The following C12orf42 variants were observed in gnomAD, a reference collection of about 807,000 sequenced individuals.
The protein encoded by C12orf42 is chromosome 12 open reading frame 42.
Under a neutral mutation model 21.6 loss-of-function variants are expected in C12orf42, and 25 were observed. The ratio of observed to expected loss-of-function variants is 1.16; its 90% CI spans 0.84 to 1.62. C12orf42 has a LOEUF of 1.62. C12orf42 is among the 40% of genes most tolerant of loss of function. The pLI, the probability that C12orf42 is intolerant of heterozygous loss-of-function variation, is 0.00. For synonymous variants in C12orf42, 174 were observed against 175.0 expected (o/e 0.99, Z 0.05); for missense variants, 483 against 459.3 (o/e 1.05, Z -0.47).
At chr12:103,408,061 C>T (rs899091625) in intron 2 of C12orf42, among the ~76,000 whole-genome samples, 2 of 152,268 alleles carry the variant, frequency 1.3e-5, no homozygotes, top group Middle Eastern at 3.4e-3. Context: ...TTAGTCTAGC[C>T]ATTAAATGCA....
chr12:103,269,497 T>G (rs4764729), intron 6 of C12orf42, among the ~76,000 whole-genome samples: 14,350 of 152,236 alleles, frequency 0.094, 746 homozygotes, highest in East Asian at 0.15. Context: ...TCTATTTCAT[T>G]AATATCCCCT....
rs184796674 is a variant in C12orf42, at chr12:103,251,936, G to C, written c.*1366+11390C>G. ...AGACAGAAATTACTTGGGGGCAGGAGGTATATTGATAAACAATTTATTTTA... is the reference window on the plus strand; with the variant it reads ...AGACAGAAATTACTTGGGGGCAGGACGTATATTGATAAACAATTTATTTTA... On this transcript the variant is annotated intron_variant and NMD_transcript_variant, in intron 10 of 10. Coordinates refer to the C12orf42 transcript ENST00000547347. Among the ~76,000 whole-genome samples the C allele has an allele frequency of 2.0e-5, 3 of 152,248 alleles. No homozygotes were observed. The East Asian group carries it at 5.8e-4, about 29-fold the overall frequency.
chr12:103,143,678 G>C, the C12orf42 span, among the ~76,000 whole-genome samples: 1 of 152,234 alleles, frequency 6.6e-6, no homozygotes, highest in Non-Finnish European at 1.5e-5. Context: ...GTTCTAAGAA[G>C]TGTCTACAGA....
chr12:103,225,757 C>T, the C12orf42 span, among the ~76,000 whole-genome samples: 102 of 152,206 alleles, frequency 6.7e-4, no homozygotes, highest in Non-Finnish European at 9.7e-4. Context: ...AGAAGCCTGA[C>T]CATCAATACC....
At chr12:103,177,695 C>T in the C12orf42 span, among the ~76,000 whole-genome samples, 1 of 152,178 alleles carries the variant, frequency 6.6e-6, no homozygotes, top group South Asian at 2.1e-4. Flanking sequence ...AAATTCATCA[C>T]ATAATTTAAT....
At chr12:103,105,294 C>T in the C12orf42 span, among the ~76,000 whole-genome samples, 2 of 151,894 alleles carry the variant, frequency 1.3e-5, no homozygotes, top group African/African-American at 4.8e-5. Flanking sequence ...ATTATTATGT[C>T]CAAAGGAGAT....
At chr12:103,225,530 G>C in the C12orf42 span, among the ~76,000 whole-genome samples, 9 of 151,972 alleles carry the variant, frequency 5.9e-5, no homozygotes, top group African/African-American at 2.2e-4. Context: ...GGGTTAAGGT[G>C]GGGGGATACA....
chr12:103,506,293 C>G, the C12orf42 span: 6 of 125,882 alleles, frequency 4.8e-5, no homozygotes, highest in Non-Finnish European at 9.9e-5. Flanking sequence ...ACAACCCCCC[C>G]ACGCCATCCC....
At chr12:103,090,292 G>T in the C12orf42 span, among the ~76,000 whole-genome samples, 2 of 152,144 alleles carry the variant, frequency 1.3e-5, no homozygotes, top group African/African-American at 4.8e-5. Context: ...ATGGCACCTT[G>T]TGACATTGGA....
chr12:103,180,615 CTTTTTTTTTTTTTTTTT>C, the C12orf42 span, among the ~76,000 whole-genome samples: 6 of 61,992 alleles, frequency 9.7e-5, no homozygotes, highest in Admixed American at 1.0e-3. Context: ...AAATAATTTC[CTTTTTTTTTTTTTTTTT>C]TTTTTTTTTT....
intron 10 of C12orf42, among the ~76,000 whole-genome samples, chr12:103,262,621 T>C (rs2034953498): frequency 6.6e-6 from 1 of 152,178 alleles, no homozygotes. Context: ...AAAAGGAACA[T>C]TATCTTTAAA....
At chr12:103,425,390 G>T (rs565536499) in intron 2 of C12orf42, among the ~76,000 whole-genome samples, 1 of 152,312 alleles carries the variant, frequency 6.6e-6, no homozygotes, top group Admixed American at 6.5e-5. Flanking sequence ...CCTCCTGACT[G>T]TGAGATACCT....
intron 4 of C12orf42, among the ~76,000 whole-genome samples, chr12:103,352,668 G>T (rs988695692): frequency 1.3e-5 from 2 of 152,058 alleles, no homozygotes; most frequent in African/African-American, 4.8e-5. Context: ...AATTAAACAG[G>T]CTTAAACAAA....
At chr12:103,071,714 C>T in the C12orf42 span, among the ~76,000 whole-genome samples, 154 of 152,188 alleles carry the variant, frequency 1.0e-3, no homozygotes, top group African/African-American at 3.0e-3. Context: ...ATTCACCTTC[C>T]GCCATTACTG....
intron 10 of C12orf42, among the ~76,000 whole-genome samples, chr12:103,254,956 A>C (rs1204705068): frequency 6.6e-6 from 1 of 152,218 alleles, no homozygotes; most frequent in Non-Finnish European, 1.5e-5. Context: ...TAAATGTTTC[A>C]TGCATCCTTC....
At chr12:103,242,105 A>T (rs903085046) in intron 10 of C12orf42, among the ~76,000 whole-genome samples, 9 of 152,116 alleles carry the variant, frequency 5.9e-5, no homozygotes, top group Non-Finnish European at 1.2e-4. Flanking sequence ...TCATTGGCTC[A>T]TGGAGTCAAC....
At chr12:103,202,737 C>G in the C12orf42 span, among the ~76,000 whole-genome samples, 1 of 152,160 alleles carries the variant, frequency 6.6e-6, no homozygotes. Flanking sequence ...TTGTCTCAAG[C>G]TAAGTGACTT....
chr12:103,430,605 A>G (rs963773526), intron 2 of C12orf42, among the ~76,000 whole-genome samples: 2 of 152,210 alleles, frequency 1.3e-5, no homozygotes, highest in African/African-American at 4.8e-5. Flanking sequence ...CAGCAAACCC[A>G]TTACTGGGTA....
chr12:103,266,879 T>G (rs7314273), downstream of C12orf42, among the ~76,000 whole-genome samples: 2,972 of 152,200 alleles, frequency 0.02, 124 homozygotes, highest in African/African-American at 0.068. Flanking sequence ...TTCTAGGGTA[T>G]CTGGGGAAAA....
Sources: gnomAD v4.1 joint callset for allele counts (sites outside exome capture counted in the v4.1 genomes callset) on GRCh38, gnomAD v4.1.1 for gene constraint, MANE v1.5 for transcripts, NCBI Gene and HGNC (gene_info 2026-07-23, HGNC 2026-07-21) for gene names.